The following FHOD3 variants were observed in gnomAD, a reference collection of about 807,000 sequenced individuals.
The protein encoded by FHOD3 is formin homology 2 domain containing 3.
Under a neutral mutation model 173.0 loss-of-function variants are expected in FHOD3, and 90 were observed. The observed-to-expected ratio is 0.52, with a 90% CI of 0.44 to 0.62. The LOEUF is 0.62. Ranked by LOEUF, FHOD3 falls within the 20% of genes least tolerant of loss-of-function variation. The pLI, the probability that FHOD3 is intolerant of heterozygous loss-of-function variation, is 0.00. For missense variants in FHOD3, 1,945 were observed against 2,034.7 expected (o/e 0.96, Z 0.85); for synonymous variants, 828 against 823.0 (o/e 1.01, Z -0.10).
chr18:36,496,604 A>T (rs1389752294), intron 3 of FHOD3, among the ~76,000 whole-genome samples: 1 of 152,202 alleles, frequency 6.6e-6, no homozygotes, highest in African/African-American at 2.4e-5. Context: ...CTTTGTAGAG[A>T]GAGAATGTAT....
intron 1 of FHOD3, among the ~76,000 whole-genome samples, chr18:36,341,705 GC>G (rs2045633608): frequency 6.6e-6 from 1 of 152,120 alleles, no homozygotes; most frequent in Non-Finnish European, 1.5e-5. Context: ...CACATAATAG[GC>G]CATACAAACA....
chr18:36,307,025 A>G (rs1310507968), intron 1 of FHOD3, among the ~76,000 whole-genome samples: 1 of 152,146 alleles, frequency 6.6e-6, no homozygotes, highest in African/African-American at 2.4e-5. Context: ...ATGCAGTGGC[A>G]CAGTCTCGGT....
At chr18:36,385,356 G>A (rs1286863433) in intron 3 of FHOD3, among the ~76,000 whole-genome samples, 5 of 152,102 alleles carry the variant, frequency 3.3e-5, no homozygotes, top group Non-Finnish European at 4.4e-5. Context: ...CTTAGCTGCT[G>A]GCATTGGTGT....
chr18:36,725,307 C>G (rs2041002153), intron 19 of FHOD3, among the ~76,000 whole-genome samples: 1 of 152,214 alleles, frequency 6.6e-6, no homozygotes, highest in African/African-American at 2.4e-5. Context: ...CATCCTGGCC[C>G]TCCAGAGGTA....
In FHOD3 at chr18:36,427,224, C is replaced by T. The variant is rs552852225; in HGVS notation, c.337+54480C>T. 8.7e-5 allele frequency among the ~76,000 whole-genome samples: 12 copies of T among 138,056 alleles called. No individual in the cohort carries two copies. The East Asian group carries it at 1.1e-3, about 12-fold the overall frequency. The allele number at this position is 138,056 out of a possible 152,430, so 90.6% of individuals were successfully genotyped here. ...GATTTTAAATATGGTAACTATGAGA[C>T]GAGAAAGATCACACTGCCAGCAGAG... is the stretch of plus-strand genomic sequence containing the variant. On this transcript the variant is annotated intron_variant, in intron 3 of 28. Coordinates refer to ENST00000590592, the MANE Select transcript of FHOD3 (RefSeq NM_001281740.3).
At chr18:36,581,437 G>C (rs1409213724) in intron 6 of FHOD3, among the ~76,000 whole-genome samples, 1 of 152,192 alleles carries the variant, frequency 6.6e-6, no homozygotes, top group Admixed American at 6.5e-5. Context: ...CTGCCTCTTA[G>C]GGGTGCCTCA....
chr18:36,665,580 G>T (rs963838507), intron 14 of FHOD3, among the ~76,000 whole-genome samples: 2 of 151,724 alleles, frequency 1.3e-5, no homozygotes, highest in East Asian at 1.9e-4. Context: ...GATTGGCCTG[G>T]TGGGGGGGCA....
intron 10 of FHOD3, among the ~76,000 whole-genome samples, chr18:36,628,661 A>G (rs889381603): frequency 2.6e-5 from 4 of 152,234 alleles, no homozygotes; most frequent in African/African-American, 7.2e-5. Context: ...CATGTGTGTC[A>G]TAATGAGTTT....
At chr18:36,594,279 C>A (rs2029916703) in intron 6 of FHOD3, among the ~76,000 whole-genome samples, 2 of 152,012 alleles carry the variant, frequency 1.3e-5, no homozygotes, top group African/African-American at 2.4e-5. Flanking sequence ...CTCCAGGCGG[C>A]CTTCTCTGCT....
intron 5 of FHOD3, among the ~76,000 whole-genome samples, chr18:36,532,156 A>T (rs923982418): frequency 1.3e-5 from 2 of 152,134 alleles, no homozygotes; most frequent in Non-Finnish European, 2.9e-5. Flanking sequence ...CTTAATGTTT[A>T]TTCTCCATAA....
rs555947563 is a variant in FHOD3, at chr18:36,553,693, C to T, written c.512-22758C>T. Among the ~76,000 whole-genome samples, 4 of 152,226 alleles carry T rather than the reference C, an allele frequency of 2.6e-5. No homozygotes were observed. In the South Asian group the frequency reaches 6.2e-4, roughly 24 times the overall value. ...CAAAAGAAACTACCATCAGAGTAAA[C>T]AGGCAACCCACAGAATGGGAGAAAA... is the stretch of plus-strand genomic sequence containing the variant. On this transcript the variant is annotated intron_variant, in intron 5 of 28. Transcript: ENST00000590592.
chr18:36,448,442 A>AGCCCT (rs1316073304), intron 3 of FHOD3, among the ~76,000 whole-genome samples: 2 of 152,172 alleles, frequency 1.3e-5, no homozygotes, highest in South Asian at 2.1e-4. Context: ...GGCCCCCACC[A>AGCCCT]GCCCTGCCCT....
intron 3 of FHOD3, among the ~76,000 whole-genome samples, chr18:36,458,304 G>A (rs190261761): frequency 2.0e-5 from 3 of 152,318 alleles, no homozygotes; most frequent in Admixed American, 2.0e-4. Flanking sequence ...GAGTGGACTT[G>A]TGGTTCCCTC....
intron 3 of FHOD3, among the ~76,000 whole-genome samples, chr18:36,375,885 A>AT (rs1237333225): frequency 1.3e-5 from 2 of 152,160 alleles, no homozygotes; most frequent in African/African-American, 4.8e-5. Context: ...TTCTTTGTAC[A>AT]TTTTTGGTAT....
chr18:36,388,225 T>C (rs1390178988), intron 3 of FHOD3, among the ~76,000 whole-genome samples: 1 of 152,134 alleles, frequency 6.6e-6, no homozygotes, highest in Admixed American at 6.5e-5. Context: ...TCTGACATTG[T>C]CCTGATTCTT....
intron 5 of FHOD3, among the ~76,000 whole-genome samples, chr18:36,553,105 A>G (rs896499300): frequency 1.3e-5 from 2 of 152,156 alleles, no homozygotes; most frequent in Non-Finnish European, 2.9e-5. Flanking sequence ...GGTTCTATTT[A>G]TATGATGGAT....
chr18:36,609,450 G>A (rs892304302), intron 8 of FHOD3, among the ~76,000 whole-genome samples: 2 of 152,174 alleles, frequency 1.3e-5, no homozygotes, highest in African/African-American at 4.8e-5. Flanking sequence ...GTGGCAGAAG[G>A]CCATCATTTC....
At chr18:36,674,026 A>G (rs1433840852) in intron 14 of FHOD3, among the ~76,000 whole-genome samples, 2 of 152,226 alleles carry the variant, frequency 1.3e-5, no homozygotes, top group East Asian at 3.8e-4. Context: ...ATATGTGTTA[A>G]ACTAATATTT....
chr18:36,694,598 T>C (rs941988631), intron 17 of FHOD3, among the ~76,000 whole-genome samples: 1 of 152,212 alleles, frequency 6.6e-6, no homozygotes, highest in African/African-American at 2.4e-5. Flanking sequence ...TCATTGCTAT[T>C]ATCTACGTTG....
Sources: allele counts gnomAD v4.1 joint callset (sites outside exome capture counted in the v4.1 genomes callset), GRCh38; gene constraint gnomAD v4.1.1; transcripts MANE v1.5; gene names NCBI Gene and HGNC (gene_info 2026-07-23, HGNC 2026-07-21).